SERPINB12: variants seen among roughly 807,000 people sequenced by gnomAD.
The protein encoded by SERPINB12 is serpin B12.
In SERPINB12, 57 loss-of-function variants were observed where a neutral mutation model predicts 41.1. The observed-to-expected ratio is 1.39, with a 90% CI of 1.12 to 1.73. The LOEUF is 1.73. Among genes scored for constraint, SERPINB12 ranks in the 40% most tolerant of loss-of-function variants. SERPINB12 has a pLI of 0.00. For missense variants in SERPINB12, 536 were observed against 501.9 expected (o/e 1.07, Z -0.65); for synonymous variants, 180 against 181.3 (o/e 0.99, Z 0.06).
In SERPINB12 at chr18:63,568,685, T is replaced by G. The variant is rs1217239454; in HGVS notation, c.*1674T>G. On this transcript the variant is annotated 3_prime_UTR_variant, in exon 8 of 8. Coordinates refer to ENST00000382768, the MANE Select transcript of SERPINB12 (RefSeq NM_001307928.2). ...CAGTTTCCTTGGCCCACCTTGTGGC[T>G]GTCCTCCTCCCAGCTGCCACCAGTC... Among the ~76,000 whole-genome samples, 2 of 152,190 alleles carry G rather than the reference T, an allele frequency of 1.3e-5. No homozygotes were observed. Among genetic ancestry groups the G allele is most frequent in the African/African-American group, 4.8e-5 (2 of 41,448 alleles).
At chr18:63,537,916 CTG>C (rs1910205531), upstream of SERPINB12, among the ~76,000 whole-genome samples, 2 of 152,030 alleles carry the variant, frequency 1.3e-5, no homozygotes, top group South Asian at 2.1e-4. Flanking sequence ...AGGTATGAGA[CTG>C]TGGTGGGATG....
In SERPINB12 at chr18:63,567,501, G is replaced by A. The variant is rs985907541; in HGVS notation, c.*490G>A. Among the ~76,000 whole-genome samples the A allele has an allele frequency of 6.6e-6, 1 of 152,174 alleles. No individual in the cohort carries two copies. Among genetic ancestry groups the A allele is most frequent in the African/African-American group, 2.4e-5 (1 of 41,442 alleles). ...GTTATGATTGTGGTCATCACTGGGC[G>A]AGATGCCCTGTTTCTTCCTTTGACA... On this transcript the variant is annotated 3_prime_UTR_variant, in exon 8 of 8. Coordinates refer to ENST00000382768, the MANE Select transcript of SERPINB12 (RefSeq NM_001307928.2).
At chr18:63,555,902 T>G (rs1268381422) in intron 1 of SERPINB12, among the ~76,000 whole-genome samples, 1 of 152,206 alleles carries the variant, frequency 6.6e-6, no homozygotes, top group African/African-American at 2.4e-5. Flanking sequence ...CAGTCTGTGG[T>G]AATTTCTTAT....
At chr18:63,549,492 G>T (rs1285376278) in intron 1 of SERPINB12, among the ~76,000 whole-genome samples, 1 of 151,944 alleles carries the variant, frequency 6.6e-6, no homozygotes, top group Non-Finnish European at 1.5e-5. Flanking sequence ...TCAGTAGGAG[G>T]TGACATTGTG....
chr18:63,529,399 T>C, the SERPINB12 span, among the ~76,000 whole-genome samples: 6 of 151,936 alleles, frequency 3.9e-5, no homozygotes, highest in Non-Finnish European at 5.9e-5. Flanking sequence ...TTTTGGAGAG[T>C]CTTTGGTGAT....
the SERPINB12 span, among the ~76,000 whole-genome samples, chr18:63,526,270 AT>A: frequency 6.6e-6 from 1 of 152,170 alleles, no homozygotes; most frequent in Non-Finnish European, 1.5e-5. Flanking sequence ...ACAGAAGCAG[AT>A]TCCCTAGCTT....
Position 63,565,619 on chromosome 18 carries a change from C to T in SERPINB12, c.873+7C>T. 6.2e-7 allele frequency: 1 copy of T among 1,604,944 alleles called. No homozygotes were observed. The highest frequency in any genetic ancestry group is 1.7e-5 in the Admixed American group (1 of 58,020). ...CCTGAAGGGTCTGGAAGAGGTAAAT[C>T]TTCATTTCCACATCTCTACAAAATA... On this transcript the variant is annotated splice_region_variant and intron_variant, in intron 7 of 7. Coordinates refer to ENST00000382768, the MANE Select transcript of SERPINB12 (RefSeq NM_001307928.2).
chr18:63,525,201 C>T, the SERPINB12 span, among the ~76,000 whole-genome samples: 3 of 151,996 alleles, frequency 2.0e-5, no homozygotes, highest in African/African-American at 7.3e-5. Context: ...TTGAAACAAC[C>T]ATTAAATCAC....
upstream of SERPINB12, among the ~76,000 whole-genome samples, chr18:63,537,932 G>C (rs1419131913): frequency 3.3e-5 from 5 of 152,092 alleles, no homozygotes; most frequent in African/African-American, 9.7e-5. Context: ...TGGGATGAAG[G>C]CTATGGATGA....
chr18:63,533,037 G>A, the SERPINB12 span, among the ~76,000 whole-genome samples: 1 of 151,994 alleles, frequency 6.6e-6, no homozygotes, highest in Admixed American at 6.6e-5. Context: ...GGAGTGCAGT[G>A]GCGCAATCTC....
chr18:63,559,698 C>T lies in SERPINB12; in HGVS notation c.424C>T (p.Gln142Ter), dbSNP rs545439738. Reference protein sequence around the residue: ...LSIANRLYGEQEFPICQEYLD... With the variant: ...LSIANRLYGE The stretch of plus-strand genomic sequence containing the variant: ...TATTGCCAACAGGCTTTATGGAGAG[C>T]AGGAATTCCCAATCTGTCAGGTGAG... Residue 142 changes from glutamine (Q) to a stop codon, truncating the protein, a stop_gained, in exon 4 of 8, where the codon CAG becomes TAG. Transcript: ENST00000382768. LOFTEE classifies it high-confidence loss of function. 6.2e-7 allele frequency: 1 copy of T among 1,614,002 alleles called. No individual in the cohort carries two copies. Among genetic ancestry groups the T allele is most frequent in the South Asian group, 1.1e-5 (1 of 91,042 alleles).
At chr18:63,558,537 A>G (rs1468362905) in intron 3 of SERPINB12, 51 bp downstream of exon 3, 3 of 1,553,540 alleles carry the variant, frequency 1.9e-6, no homozygotes, top group Non-Finnish European at 2.6e-6. Context: ...CAAACTGCTT[A>G]TTCTGGCTGT....
the SERPINB12 span, among the ~76,000 whole-genome samples, chr18:63,531,555 A>C: frequency 6.6e-6 from 1 of 152,186 alleles, no homozygotes; most frequent in East Asian, 1.9e-4. Flanking sequence ...CTGAGTTTCC[A>C]TTTCCTAATC....
Position 63,560,222 on chromosome 18 carries a change from C to T in SERPINB12, c.444+504C>T, listed in dbSNP as rs79985945. ...GCATTTGGAGCTGAAAGGCACAGGA[C>T]TTGTGTCTGTGGCTAAACAGCTTCG... On this transcript the variant is annotated intron_variant, in intron 4 of 7. Coordinates refer to ENST00000382768, the MANE Select transcript of SERPINB12 (RefSeq NM_001307928.2). 6.8e-3 allele frequency among the ~76,000 whole-genome samples: 1,040 copies of T among 152,324 alleles called. 6 individuals are homozygous for T. The highest frequency in any genetic ancestry group is 0.011 in the Non-Finnish European group (762 of 68,036).
upstream of SERPINB12, among the ~76,000 whole-genome samples, chr18:63,540,538 A>C (rs1910252155): frequency 6.6e-6 from 1 of 152,166 alleles, no homozygotes; most frequent in South Asian, 2.1e-4. Flanking sequence ...TTCAGGACCT[A>C]GATATTCTAT....
chr18:63,559,528 C>G (rs1033367855), intron 3 of SERPINB12, 50 bp from the exon 4 acceptor site: 2 of 1,594,228 alleles, frequency 1.3e-6, no homozygotes, highest in African/African-American at 2.7e-5. Flanking sequence ...CGGTGTTTAG[C>G]TCTTCTGATA....
At chr18:63,525,664 A>C in the SERPINB12 span, among the ~76,000 whole-genome samples, 2 of 152,154 alleles carry the variant, frequency 1.3e-5, no homozygotes, top group East Asian at 3.8e-4. Context: ...TTTATTTATA[A>C]ATATTTATCC....
At chr18:63,529,514 A>G in the SERPINB12 span, among the ~76,000 whole-genome samples, 2 of 152,188 alleles carry the variant, frequency 1.3e-5, no homozygotes, top group Non-Finnish European at 2.9e-5. Context: ...GATTCTGACA[A>G]CTTGCACAGA....
chr18:63,560,895 A>G (rs150225454), intron 4 of SERPINB12, among the ~76,000 whole-genome samples, 190 bp from the exon 5 acceptor site: 292 of 152,292 alleles, frequency 1.9e-3, no homozygotes, highest in African/African-American at 6.7e-3. Context: ...CTCATTTTTC[A>G]CTAAAAAAAC....
Sources: allele counts gnomAD v4.1 joint callset (sites outside exome capture counted in the v4.1 genomes callset), GRCh38; gene constraint gnomAD v4.1.1; transcripts MANE v1.5; gene names NCBI Gene and HGNC (gene_info 2026-07-23, HGNC 2026-07-21).